Variants in MRTFB observed in about 807,000 individuals in gnomAD.
MRTFB encodes myocardin related transcription factor B.
A neutral mutation model predicts 104.2 loss-of-function variants in MRTFB; 29 were observed. The observed-to-expected ratio is 0.28, with a 90% CI of 0.21 to 0.38. The LOEUF is 0.38. Ranked by LOEUF, MRTFB falls within the 10% of genes least tolerant of loss-of-function variation. The pLI, the probability that MRTFB is intolerant of heterozygous loss-of-function variation, is 1.00. For synonymous variants in MRTFB, 535 were observed against 519.5 expected, an observed-to-expected ratio of 1.03 and a Z score of -0.41; for missense variants, 1,270 against 1,341.6, an observed-to-expected ratio of 0.95 and a Z score of 0.83.
chr16:14,079,442 C>G, intron 2 of MRTFB, 88 bp downstream of exon 2: 1 of 315,334 alleles, frequency 3.2e-6, no homozygotes, highest in Non-Finnish European at 5.8e-6. Context: ...TTCTTGAGGT[C>G]TAACAGGGAG....
intron 13 of MRTFB, among the ~76,000 whole-genome samples, chr16:14,250,891 AAAAG>A (rs775343572): frequency 9.9e-5 from 15 of 152,228 alleles, no homozygotes; most frequent in Non-Finnish European, 1.9e-4. Context: ...AAGTTTTAAA[AAAAG>A]CAGAACCAAG....
chr16:14,036,656 T>C, the MRTFB span, among the ~76,000 whole-genome samples: 1 of 151,392 alleles, frequency 6.6e-6, no homozygotes, highest in East Asian at 1.9e-4. Context: ...TTGAAATATA[T>C]ACATTCCATC....
chr16:14,236,601 T>C (rs1013815193), intron 9 of MRTFB, among the ~76,000 whole-genome samples: 10 of 152,122 alleles, frequency 6.6e-5, no homozygotes, highest in African/African-American at 2.4e-4. Context: ...AGATGACATT[T>C]GGACAGAGAT....
the MRTFB span, among the ~76,000 whole-genome samples, chr16:14,015,525 A>G: frequency 5.6e-4 from 86 of 152,264 alleles, no homozygotes; most frequent in African/African-American, 1.9e-3. Flanking sequence ...GGCAGGAAAT[A>G]CCTGCAGCCG....
At chr16:14,220,884 A>G (rs955801566) in intron 8 of MRTFB, among the ~76,000 whole-genome samples, 1 of 152,222 alleles carries the variant, frequency 6.6e-6, no homozygotes, top group African/African-American at 2.4e-5. Context: ...GCTCCACTGT[A>G]GCTTTGCCTG....
At chr16:14,258,973 GATGAAAGGAGTTTT>G (rs2151473002) in intron 16 of MRTFB, among the ~76,000 whole-genome samples, 1 of 152,258 alleles carries the variant, frequency 6.6e-6, no homozygotes, top group East Asian at 1.9e-4. Context: ...AAATTACCCT[GATGAAAGGAGTTTT>G]ATTTGAATTT....
At chr16:14,056,768 GTATC>G in the MRTFB span, among the ~76,000 whole-genome samples, 13 of 151,792 alleles carry the variant, frequency 8.6e-5, no homozygotes, top group Admixed American at 7.9e-4. Flanking sequence ...ATCTATCTAT[GTATC>G]TATCTGTCTA....
intron 2 of MRTFB, among the ~76,000 whole-genome samples, chr16:14,113,783 C>G (rs184939483): frequency 6.2e-4 from 95 of 152,228 alleles, no homozygotes; most frequent in African/African-American, 2.2e-3. Context: ...TTAAAAAAAG[C>G]ATATCCACAA....
At chr16:14,116,590 G>C (rs2036552234) in intron 2 of MRTFB, among the ~76,000 whole-genome samples, 1 of 148,960 alleles carries the variant, frequency 6.7e-6, no homozygotes, top group Non-Finnish European at 1.5e-5. Context: ...TCTAGACGTG[G>C]TTCTAAATAA....
chr16:14,153,848 T>C (rs2038725299), intron 3 of MRTFB, among the ~76,000 whole-genome samples: 1 of 152,240 alleles, frequency 6.6e-6, no homozygotes, highest in South Asian at 2.1e-4. Flanking sequence ...TATACCTTTA[T>C]TGATTTTCTT....
chr16:14,235,157 C>T (rs554863528), intron 9 of MRTFB, among the ~76,000 whole-genome samples: 3 of 152,218 alleles, frequency 2.0e-5, no homozygotes, highest in Non-Finnish European at 4.4e-5. Flanking sequence ...AAGGGAGCAT[C>T]TTTCAGATGA....
At chr16:14,213,301 T>G (rs2041276316) in intron 5 of MRTFB, among the ~76,000 whole-genome samples, 1 of 152,242 alleles carries the variant, frequency 6.6e-6, no homozygotes, top group African/African-American at 2.4e-5. Flanking sequence ...TCGATGTTCA[T>G]AAGTTTTAAA....
Position 14,245,610 on chromosome 16 carries a change from A to G in MRTFB, c.1162A>G (p.Thr388Ala), listed in dbSNP as rs749612524. 1.5e-5 allele frequency: 24 copies of G among 1,613,868 alleles called. 2 individuals are homozygous for G. In the South Asian group the frequency reaches 2.4e-4, roughly 16 times the overall value. The change falls in exon 11 of 17, where the codon ACT (threonine) becomes GCT (alanine). Residue 388 changes from threonine to alanine, a missense_variant. Coordinates refer to ENST00000571589, the MANE Select transcript of MRTFB (RefSeq NM_001308142.2). Reference sequence around the variant, plus strand: ...TAACACACCAAGACAGAATACATCTACTCCTGTGAGAAAGCCAGGACCTCT... The same window carrying G: ...TAACACACCAAGACAGAATACATCTGCTCCTGTGAGAAAGCCAGGACCTCT... ...TPNTPRQNTS[T>A]PVRKPGPLPS...
intron 2 of MRTFB, among the ~76,000 whole-genome samples, chr16:14,111,466 A>C (rs941428880): frequency 2.0e-5 from 3 of 152,212 alleles, no homozygotes; most frequent in Non-Finnish European, 4.4e-5. Context: ...GTGAACATTC[A>C]CTAGAGGTGA....
In MRTFB at chr16:14,258,179, T is replaced by C. The variant is rs377259706; in HGVS notation, c.2764+18T>C. On this transcript the variant is annotated intron_variant, in intron 16 of 16. Transcript: ENST00000571589. ...GAGTGGAGGTAAGTCAAAAGTCACA[T>C]CAGATCCTCCCAGGAAGTCATCTCT... The C allele has an allele frequency of 6.2e-7, 1 of 1,609,630 alleles. No individual in the cohort carries two copies. The highest frequency in any genetic ancestry group is 1.3e-5 in the African/African-American group (1 of 74,856).
intron 3 of MRTFB, among the ~76,000 whole-genome samples, chr16:14,162,236 A>T (rs2039069892): frequency 2.6e-5 from 4 of 151,878 alleles, no homozygotes; most frequent in Admixed American, 2.6e-4. Flanking sequence ...CAGGAGGCTG[A>T]TGCCAGAGGA....
At chr16:14,008,138 GGAGGATCACTT>G in the MRTFB span, among the ~76,000 whole-genome samples, 1 of 152,124 alleles carries the variant, frequency 6.6e-6, no homozygotes, top group Non-Finnish European at 1.5e-5. Context: ...GGCTGAGGTA[GGAGGATCACTT>G]GAGCCTAGGA....
chr16:14,047,494 G>A, the MRTFB span, among the ~76,000 whole-genome samples: 9 of 152,268 alleles, frequency 5.9e-5, no homozygotes, highest in Middle Eastern at 3.4e-3. Flanking sequence ...ATATTAGTCC[G>A]TTCTTACGCT....
chr16:14,022,310 A>G, the MRTFB span, among the ~76,000 whole-genome samples: 2 of 152,222 alleles, frequency 1.3e-5, no homozygotes, highest in Non-Finnish European at 2.9e-5. Context: ...TCTAATTCCT[A>G]TCTCTGCAGA....
Sources: allele counts gnomAD v4.1 joint callset (sites outside exome capture counted in the v4.1 genomes callset), GRCh38; gene constraint gnomAD v4.1.1; transcripts MANE v1.5; gene names NCBI Gene and HGNC (gene_info 2026-07-23, HGNC 2026-07-21).